TDRD10: variants seen among roughly 807,000 people sequenced by gnomAD.
The protein encoded by TDRD10 is tudor domain-containing protein 10.
Under a neutral mutation model 48.0 loss-of-function variants are expected in TDRD10, and 40 were observed. That is an observed-to-expected ratio of 0.83 (90% CI 0.65 to 1.09). TDRD10 has a LOEUF of 1.09. Among genes scored for constraint, TDRD10 ranks in the 50% least tolerant of loss-of-function variants. The pLI, the probability that TDRD10 is intolerant of heterozygous loss-of-function variation, is 0.00. For missense variants in TDRD10, 378 were observed against 434.7 expected, an observed-to-expected ratio of 0.87 and a Z score of 1.16; for synonymous variants, 162 against 170.4, an observed-to-expected ratio of 0.95 and a Z score of 0.38.
At position 154,542,869 on chromosome 1, in the gene TDRD10, A is replaced by G. The variant is rs529237784; in HGVS notation, c.503+48A>G. ...ACCAGGGCAAATGGCGATTACAGACATCCTCTGTCCCCCAGAGAGTGGGGA... is the reference window on the plus strand; with the variant it reads ...ACCAGGGCAAATGGCGATTACAGACGTCCTCTGTCCCCCAGAGAGTGGGGA... On this transcript the variant is annotated intron_variant, in intron 8 of 12. Coordinates refer to ENST00000368482, the MANE Select transcript of TDRD10 (RefSeq NM_182499.4). The G allele has an allele frequency of 2.3e-5, 34 of 1,489,112 alleles. No individual in the cohort carries two copies. The South Asian group carries it at 3.1e-4, about 13-fold the overall frequency. 92.2% of individuals were successfully genotyped at this position (1,489,112 alleles called of 1,614,324 possible).
At chr1:154,512,818 G>C (rs2149317279) in intron 4 of TDRD10, among the ~76,000 whole-genome samples, 1 of 152,322 alleles carries the variant, frequency 6.6e-6, no homozygotes, top group South Asian at 2.1e-4. Flanking sequence ...TGTTATACCA[G>C]AAAGCTATCA....
chr1:154,516,841 G>T lies in TDRD10; in HGVS notation c.142-3463G>T, dbSNP rs550001725. On this transcript the variant is annotated intron_variant, in intron 4 of 12. Coordinates refer to ENST00000368482, the MANE Select transcript of TDRD10 (RefSeq NM_182499.4). ...ACATGCCTGTAATCCCAGCTACTTG[G>T]GAGGCTGAGGTGGGAGGTTGGCTTG... is the stretch of plus-strand genomic sequence containing the variant. Among the ~76,000 whole-genome samples, 5 of 152,294 alleles carry T rather than the reference G, an allele frequency of 3.3e-5. No individual in the cohort carries two copies. In the South Asian group the frequency reaches 1.0e-3, roughly 32 times the overall value.
intron 1 of TDRD10, among the ~76,000 whole-genome samples, chr1:154,506,132 T>C (rs1441784384): frequency 6.6e-6 from 1 of 152,184 alleles, no homozygotes; most frequent in Non-Finnish European, 1.5e-5. Flanking sequence ...ACGCAAATAT[T>C]ATCCCATAGC....
At position 154,542,829 on chromosome 1, in the gene TDRD10, A is replaced by G. The variant is rs1231122245; in HGVS notation, c.503+8A>G. 6.2e-7 allele frequency: 1 copy of G among 1,610,968 alleles called. No individual in the cohort carries two copies. Among genetic ancestry groups the G allele is most frequent in the East Asian group, 2.2e-5 (1 of 44,856 alleles). On this transcript the variant is annotated splice_region_variant and intron_variant, in intron 8 of 12. Transcript: ENST00000368482. ...AGTCCCGTTGGAAATGAGGTGAGCA[A>G]GGTATAGAAAGACCACCAGGGCAAA...
At chr1:154,536,100 G>T (rs1017593682) in intron 6 of TDRD10, among the ~76,000 whole-genome samples, 1 of 152,230 alleles carries the variant, frequency 6.6e-6, no homozygotes, top group Non-Finnish European at 1.5e-5. Context: ...GTTGCAGGCC[G>T]GGCGCAGTGG....
chr1:154,523,800 A>G (rs1321698383), intron 6 of TDRD10, among the ~76,000 whole-genome samples: 2 of 152,158 alleles, frequency 1.3e-5, no homozygotes, highest in Non-Finnish European at 2.9e-5. Flanking sequence ...CCCTGAAGAC[A>G]TTCACACAAC....
intron 6 of TDRD10, among the ~76,000 whole-genome samples, chr1:154,539,452 G>A (rs1438124582): frequency 1.3e-5 from 2 of 152,016 alleles, no homozygotes; most frequent in Admixed American, 1.3e-4. Context: ...ACAGGCACCC[G>A]CCACCACGGC....
chr1:154,540,319 T>C (rs1404069600), intron 6 of TDRD10, among the ~76,000 whole-genome samples: 13 of 152,018 alleles, frequency 8.6e-5, no homozygotes, highest in African/African-American at 3.1e-4. Flanking sequence ...CTTGGCTTGC[T>C]GATGAATTTG....
At chr1:154,533,524 GTCT>G (rs1449826290) in intron 6 of TDRD10, among the ~76,000 whole-genome samples, 1 of 151,998 alleles carries the variant, frequency 6.6e-6, no homozygotes, top group Non-Finnish European at 1.5e-5. Flanking sequence ...ATCTTTCAGA[GTCT>G]TCTTATGTTT....
intron 4 of TDRD10, among the ~76,000 whole-genome samples, chr1:154,514,880 T>TATTTATTTATG (rs1557816897): frequency 6.6e-6 from 1 of 151,406 alleles, no homozygotes. Flanking sequence ...ATTTATTTTT[T>TATTTATTTATG]TTTTTGAGAC....
chr1:154,546,603 G>C (rs936502701), intron 11 of TDRD10, among the ~76,000 whole-genome samples: 1 of 151,710 alleles, frequency 6.6e-6, no homozygotes, highest in Admixed American at 6.6e-5. Flanking sequence ...CCACCCAGAG[G>C]TTGTCTTGGG....
chr1:154,518,814 G>A (rs1046721274), intron 4 of TDRD10, among the ~76,000 whole-genome samples: 20 of 152,202 alleles, frequency 1.3e-4, no homozygotes, highest in Admixed American at 1.1e-3. Context: ...GCATGGCTGT[G>A]TTCCAATAAA....
intron 11 of TDRD10, among the ~76,000 whole-genome samples, chr1:154,545,306 T>C (rs1695487274): frequency 6.6e-6 from 1 of 152,190 alleles, no homozygotes; most frequent in Admixed American, 6.5e-5. Flanking sequence ...TGGAAAAAGA[T>C]TCTGCCATAG....
At chr1:154,530,059 G>C (rs962899839) in intron 6 of TDRD10, among the ~76,000 whole-genome samples, 4 of 151,868 alleles carry the variant, frequency 2.6e-5, no homozygotes, top group African/African-American at 7.3e-5. Flanking sequence ...TGCCCAGGCT[G>C]GTTGGAGTGC....
At chr1:154,530,866 ATTT>A (rs112779412) in intron 6 of TDRD10, among the ~76,000 whole-genome samples, 12 of 137,572 alleles carry the variant, frequency 8.7e-5, no homozygotes, top group Non-Finnish European at 7.9e-5. Flanking sequence ...TTCAGTTTAA[ATTT>A]TTTTTTTTTT....
chr1:154,514,504 G>A (rs956115269), intron 4 of TDRD10, among the ~76,000 whole-genome samples: 1 of 152,084 alleles, frequency 6.6e-6, no homozygotes, highest in African/African-American at 2.4e-5. Context: ...TAGAAGCATG[G>A]TGATGGGCTT....
At chr1:154,529,591 G>A (rs1000089918) in intron 6 of TDRD10, among the ~76,000 whole-genome samples, 5 of 148,374 alleles carry the variant, frequency 3.4e-5, no homozygotes, top group Non-Finnish European at 7.4e-5. Flanking sequence ...TGTTGACCAG[G>A]CTGAAGTGCA....
intron 4 of TDRD10, among the ~76,000 whole-genome samples, chr1:154,512,573 A>T (rs1036699347): frequency 6.6e-6 from 1 of 151,918 alleles, no homozygotes; most frequent in African/African-American, 2.4e-5. Flanking sequence ...TGAACCCCTG[A>T]CCTCAGATGT....
chr1:154,509,940 C>A, intron 4 of TDRD10: 2 of 884,706 alleles, frequency 2.3e-6, no homozygotes, highest in Non-Finnish European at 2.7e-6. Context: ...CAGAGCCCAG[C>A]ACCTGGGGCT....
Sources: allele counts gnomAD v4.1 joint callset (sites outside exome capture counted in the v4.1 genomes callset), GRCh38; gene constraint gnomAD v4.1.1; transcripts MANE v1.5; gene names NCBI Gene and HGNC (gene_info 2026-07-23, HGNC 2026-07-21).